The following UBE3D variants were observed in gnomAD, a reference collection of about 807,000 sequenced individuals.
UBE3D encodes E3 ubiquitin-protein ligase E3D.
In UBE3D, 48 loss-of-function variants were observed where a neutral mutation model predicts 49.6. The ratio of observed to expected loss-of-function variants is 0.97; its 90% confidence interval spans 0.77 to 1.23. UBE3D has a LOEUF of 1.23. UBE3D is among the 50% of genes most tolerant of loss of function. The pLI, the probability that UBE3D is intolerant of heterozygous loss-of-function variation, is 0.00. For missense variants in UBE3D, 452 were observed against 468.4 expected, an observed-to-expected ratio of 0.96 and a Z score of 0.32; for synonymous variants, 189 against 174.2, an observed-to-expected ratio of 1.08 and a Z score of -0.67.
chr6:82,909,846 T>A (rs1772371256), intron 9 of UBE3D, among the ~76,000 whole-genome samples: 1 of 152,194 alleles, frequency 6.6e-6, no homozygotes, highest in Admixed American at 6.5e-5. Flanking sequence ...TGGGCACATC[T>A]GCTGCACAGT....
At chr6:82,914,186 T>C (rs771893114) in intron 9 of UBE3D, among the ~76,000 whole-genome samples, 2 of 152,224 alleles carry the variant, frequency 1.3e-5, no homozygotes, top group Non-Finnish European at 2.9e-5. Context: ...ATTTTGTTTT[T>C]GTTTATTTTT....
intron 9 of UBE3D, among the ~76,000 whole-genome samples, chr6:82,951,028 T>C (rs1021069058): frequency 8.6e-5 from 13 of 151,970 alleles, no homozygotes; most frequent in Non-Finnish European, 5.9e-5. Context: ...GAATAAGATC[T>C]AATATTTGCT....
intron 8 of UBE3D, among the ~76,000 whole-genome samples, chr6:82,971,538 A>G (rs1442151503): frequency 6.6e-6 from 1 of 151,966 alleles, no homozygotes; most frequent in East Asian, 1.9e-4. Flanking sequence ...TGCCAGTGTG[A>G]ATGCAAAGTG....
chr6:82,952,870 A>G (rs1562116412), intron 9 of UBE3D, among the ~76,000 whole-genome samples: 1 of 152,240 alleles, frequency 6.6e-6, no homozygotes, highest in Non-Finnish European at 1.5e-5. Flanking sequence ...ATCTATAAAA[A>G]TAAGATTATT....
At chr6:83,033,184 C>T (rs948871409) in intron 5 of UBE3D, among the ~76,000 whole-genome samples, 7 of 152,040 alleles carry the variant, frequency 4.6e-5, no homozygotes, top group African/African-American at 1.7e-4. Flanking sequence ...AGAGGTGTTA[C>T]ACACTTTTAA....
At chr6:82,934,962 A>C (rs1236454050) in intron 9 of UBE3D, among the ~76,000 whole-genome samples, 1 of 33,374 alleles carries the variant, frequency 3.0e-5, no homozygotes, top group South Asian at 1.3e-3. Context: ...ATATATGAAA[A>C]AACAGTTAAG....
chr6:83,025,882 TAAAAA>T (rs70987730), intron 5 of UBE3D, among the ~76,000 whole-genome samples: 4 of 90,318 alleles, frequency 4.4e-5, no homozygotes, highest in South Asian at 8.0e-4. Flanking sequence ...GACTCCATCT[TAAAAA>T]AAAAAAAAAA....
chr6:82,940,501 T>C (rs1407174748), intron 9 of UBE3D, among the ~76,000 whole-genome samples: 1 of 152,172 alleles, frequency 6.6e-6, no homozygotes, highest in Admixed American at 6.5e-5. Flanking sequence ...AGTGGACACA[T>C]CCAGGGACCC....
At chr6:83,065,580 C>A in intron 1 of UBE3D, 62 bp downstream of exon 1, 1 of 1,514,886 alleles carries the variant, frequency 6.6e-7, no homozygotes. Flanking sequence ...GACTCACCAG[C>A]CCCCGACCCC....
At chr6:82,895,915 G>A (rs1771283121) in intron 9 of UBE3D, among the ~76,000 whole-genome samples, 1 of 152,098 alleles carries the variant, frequency 6.6e-6, no homozygotes, top group Admixed American at 6.6e-5. Flanking sequence ...TCAAGATGAG[G>A]AACAACTACA....
intron 9 of UBE3D, among the ~76,000 whole-genome samples, chr6:82,934,728 A>C (rs1458529717): frequency 6.6e-6 from 1 of 151,432 alleles, no homozygotes; most frequent in Non-Finnish European, 1.5e-5. Context: ...CCAACTAAGA[A>C]TATTTATAGG....
At chr6:82,899,883 A>AC (rs1314800440) in intron 9 of UBE3D, among the ~76,000 whole-genome samples, 1 of 148,710 alleles carries the variant, frequency 6.7e-6, no homozygotes, top group Non-Finnish European at 1.5e-5. Context: ...TGGGGCCAAC[A>AC]TTGATATAGC....
At chr6:82,937,080 A>G (rs142785775) in intron 9 of UBE3D, among the ~76,000 whole-genome samples, 2 of 152,318 alleles carry the variant, frequency 1.3e-5, no homozygotes, top group African/African-American at 2.4e-5. Context: ...GACCAAAGGG[A>G]CAATAAAATA....
intron 1 of UBE3D, 107 bp from the exon 2 acceptor site, chr6:83,058,129 C>A: frequency 9.0e-7 from 1 of 1,112,190 alleles, no homozygotes; most frequent in Non-Finnish European, 1.3e-6. Flanking sequence ...TCAATAGGAG[C>A]TCTAAAGTCA....
chr6:82,923,630 G>A (rs1266371784), intron 9 of UBE3D, among the ~76,000 whole-genome samples: 1 of 152,100 alleles, frequency 6.6e-6, no homozygotes, highest in Non-Finnish European at 1.5e-5. Context: ...CGGGTTGATT[G>A]GTGTAGCAAA....
In UBE3D at chr6:83,023,967, A is replaced by G; in HGVS notation, c.737+2T>C. 6.6e-7 allele frequency: 1 copy of G among 1,505,610 alleles called. No individual in the cohort carries two copies. Among genetic ancestry groups the G allele is most frequent in the Non-Finnish European group, 8.9e-7 (1 of 1,121,754 alleles). The allele number at this position is 1,505,610 out of a possible 1,614,324, so 93.3% of individuals were successfully genotyped here. A position where few individuals can be genotyped will look rare whatever the true frequency, so the allele number is the denominator to read the frequency against. ...TAAATAAATGTAATTTGCTATTTGT[A>G]CCTTGGTATGATAGGAAAACTCCTC... On this transcript the variant is annotated splice_donor_variant, in intron 6 of 9. Coordinates refer to ENST00000369747, the MANE Select transcript of UBE3D (RefSeq NM_198920.3). LOFTEE classifies it high-confidence loss of function.
At chr6:83,051,451 T>C (rs1783463648) in intron 3 of UBE3D, among the ~76,000 whole-genome samples, 1 of 152,188 alleles carries the variant, frequency 6.6e-6, no homozygotes, top group Admixed American at 6.5e-5. Context: ...CCTGTTCCAA[T>C]GAAACACAAA....
chr6:83,055,383 C>T (rs965598594), intron 2 of UBE3D, among the ~76,000 whole-genome samples: 3 of 152,298 alleles, frequency 2.0e-5, no homozygotes, highest in Admixed American at 1.3e-4. Context: ...AGAAGGTTTA[C>T]GCCTTGGCAA....
chr6:82,910,870 T>G (rs1772454038), intron 9 of UBE3D, among the ~76,000 whole-genome samples: 1 of 152,166 alleles, frequency 6.6e-6, no homozygotes, highest in African/African-American at 2.4e-5. Flanking sequence ...TGCAGTATAG[T>G]TGGGATCTTA....
Sources: gnomAD v4.1 joint callset for allele counts (sites outside exome capture counted in the v4.1 genomes callset) on GRCh38, gnomAD v4.1.1 for gene constraint, MANE v1.5 for transcripts, NCBI Gene and HGNC (gene_info 2026-07-23, HGNC 2026-07-21) for gene names.